RGS6: variants seen among roughly 807,000 people sequenced by gnomAD.
RGS6 encodes the protein regulator of G protein signaling 6, also known as regulator of G-protein signaling 6.
Under a neutral mutation model 78.5 loss-of-function variants are expected in RGS6, and 30 were observed. That is an observed-to-expected ratio of 0.38 (90% CI 0.29 to 0.52). RGS6 has a LOEUF of 0.52. RGS6 is among the 20% of genes least tolerant of loss of function. The pLI is 0.85. For missense variants in RGS6, 495 were observed against 609.7 expected, an observed-to-expected ratio of 0.81 and a Z score of 1.98; for synonymous variants, 206 against 206.0, an observed-to-expected ratio of 1.00 and a Z score of 0.00.
chr14:72,173,194 G>A (rs6574048), intron 2 of RGS6, among the ~76,000 whole-genome samples: 6,983 of 152,058 alleles, frequency 0.046, 181 homozygotes, highest in Middle Eastern at 0.1. Context: ...ATGCTTCGGG[G>A]AAGGGTGCTG....
At chr14:72,013,809 C>CT (rs5809553) in intron 2 of RGS6, among the ~76,000 whole-genome samples, 115,052 of 152,184 alleles carry the variant, frequency 0.76, 44,452 homozygotes, top group South Asian at 0.88. Flanking sequence ...GGGCTGGGGC[C>CT]TTCAGGCTTT....
At chr14:71,952,011 G>T (rs757353624) in intron 1 of RGS6, among the ~76,000 whole-genome samples, 8 of 152,130 alleles carry the variant, frequency 5.3e-5, no homozygotes, top group Non-Finnish European at 1.0e-4. Flanking sequence ...TGGTGCAAAA[G>T]TAATTGCATT....
intron 2 of RGS6, among the ~76,000 whole-genome samples, chr14:71,979,044 T>A (rs1019408353): frequency 2.0e-5 from 3 of 151,736 alleles, no homozygotes; most frequent in Non-Finnish European, 4.4e-5. Flanking sequence ...TTCTAGTTTA[T>A]TTGCGTAGAG....
chr14:72,483,873 A>C (rs1010538068), intron 12 of RGS6, among the ~76,000 whole-genome samples: 1 of 151,962 alleles, frequency 6.6e-6, no homozygotes, highest in African/African-American at 2.4e-5. Context: ...TCCTTCACTC[A>C]TCCCAAGTTT....
chr14:72,174,683 C>A (rs1032455348), intron 2 of RGS6, among the ~76,000 whole-genome samples: 1 of 152,068 alleles, frequency 6.6e-6, no homozygotes, highest in Non-Finnish European at 1.5e-5. Flanking sequence ...TCACCTCCTG[C>A]AAGCTAGGAG....
At chr14:71,971,440 C>T (rs2093797970) in intron 2 of RGS6, among the ~76,000 whole-genome samples, 1 of 152,132 alleles carries the variant, frequency 6.6e-6, no homozygotes, top group Non-Finnish European at 1.5e-5. Context: ...TGGGTCCGGA[C>T]ATCCTTTTTG....
chr14:72,589,269 G>C, the RGS6 span, among the ~76,000 whole-genome samples: 3 of 152,246 alleles, frequency 2.0e-5, no homozygotes, highest in African/African-American at 4.8e-5. Context: ...GCAAACTTCA[G>C]CTGGGCACCA....
At chr14:72,078,684 C>G (rs1024934315) in intron 2 of RGS6, among the ~76,000 whole-genome samples, 1 of 152,188 alleles carries the variant, frequency 6.6e-6, no homozygotes, top group Non-Finnish European at 1.5e-5. Context: ...TCCCAAAGTG[C>G]TGGGATTACA....
At chr14:72,109,825 C>A (rs1263869914) in intron 2 of RGS6, among the ~76,000 whole-genome samples, 29 of 152,146 alleles carry the variant, frequency 1.9e-4, no homozygotes, top group Admixed American at 1.9e-3. Flanking sequence ...CAAAATTACA[C>A]ACAGAAGACC....
At chr14:72,427,870 A>G (rs955002414) in intron 3 of RGS6, among the ~76,000 whole-genome samples, 3 of 152,216 alleles carry the variant, frequency 2.0e-5, no homozygotes, top group Non-Finnish European at 4.4e-5. Flanking sequence ...AGTGGAATAT[A>G]CAAGCCAAAA....
chr14:72,324,653 G>T (rs1042739612), intron 2 of RGS6, among the ~76,000 whole-genome samples: 9 of 152,072 alleles, frequency 5.9e-5, no homozygotes, highest in Non-Finnish European at 1.3e-4. Context: ...ATGGTTTCCA[G>T]CTTCATCCAT....
At position 72,385,434 on chromosome 14, in the gene RGS6, C is replaced by T. The variant is rs552830251; in HGVS notation, c.184+33240C>T. ...GGAGGGATTGTTGGTAGCCAAGTCT[C>T]CTTGGTGTTTCTTGTGAAAGAATTC... On this transcript the variant is annotated intron_variant, in intron 3 of 17. Transcript: ENST00000553525. Among the ~76,000 whole-genome samples the T allele has an allele frequency of 1.2e-4, 18 of 152,268 alleles. No homozygotes were observed. In the East Asian group the frequency reaches 2.5e-3, roughly 21 times the overall value.
At chr14:72,112,105 C>G (rs2095780927) in intron 2 of RGS6, among the ~76,000 whole-genome samples, 1 of 152,044 alleles carries the variant, frequency 6.6e-6, no homozygotes, top group African/African-American at 2.4e-5. Flanking sequence ...TCTGATGGTC[C>G]CTGTCACATT....
chr14:72,367,501 C>T (rs542599820), intron 3 of RGS6, among the ~76,000 whole-genome samples: 104 of 152,252 alleles, frequency 6.8e-4, no homozygotes, highest in African/African-American at 2.4e-3. Flanking sequence ...GCATTAGTCC[C>T]AATTCTACCT....
chr14:72,234,949 C>T lies in RGS6; in HGVS notation c.85-117146C>T, dbSNP rs116880187. Among the ~76,000 whole-genome samples the T allele has an allele frequency of 7.9e-5, 12 of 152,284 alleles. No individual in the cohort carries two copies. The East Asian group carries it at 2.3e-3, about 29-fold the overall frequency. ...GAAAAGAGGAGAGGCACCATATTGTCAGCCTGATTTCCCACCTCAGAGACG... is the reference window on the plus strand; with the variant it reads ...GAAAAGAGGAGAGGCACCATATTGTTAGCCTGATTTCCCACCTCAGAGACG... On this transcript the variant is annotated intron_variant, in intron 2 of 17. Coordinates refer to ENST00000553525, the MANE Select transcript of RGS6 (RefSeq NM_001204424.2).
chr14:72,182,887 G>T lies in RGS6; in HGVS notation c.85-169208G>T, dbSNP rs143539048. Among the ~76,000 whole-genome samples, 298 of 152,266 alleles carry T rather than the reference G, an allele frequency of 2.0e-3. 2 individuals carry two copies. Among genetic ancestry groups the T allele is most frequent in the African/African-American group, 6.6e-3 (276 of 41,556 alleles). On this transcript the variant is annotated intron_variant, in intron 2 of 17. Transcript: ENST00000553525. ...TGGAAAAACATTTAGTGTTGTTGTCGTTGATGATTTTTTTTCATACTCTCT... is the reference window on the plus strand; with the variant it reads ...TGGAAAAACATTTAGTGTTGTTGTCTTTGATGATTTTTTTTCATACTCTCT...
intron 3 of RGS6, among the ~76,000 whole-genome samples, chr14:72,424,149 C>T (rs1340796999): frequency 6.6e-6 from 1 of 152,180 alleles, no homozygotes; most frequent in East Asian, 1.9e-4. Context: ...GGGCCTGGAG[C>T]TCTGCCTAGA....
chr14:72,104,063 C>T (rs889878096), intron 2 of RGS6, among the ~76,000 whole-genome samples: 4 of 152,200 alleles, frequency 2.6e-5, no homozygotes, highest in Admixed American at 2.6e-4. Context: ...ATTGAACGTC[C>T]TTTAATCTTT....
chr14:72,176,705 A>G (rs1271746325), intron 2 of RGS6, among the ~76,000 whole-genome samples: 2 of 152,250 alleles, frequency 1.3e-5, no homozygotes, highest in African/African-American at 4.8e-5. Context: ...CTACCTGAAT[A>G]GAAAGATTAT....
Sources: allele counts gnomAD v4.1 joint callset (sites outside exome capture counted in the v4.1 genomes callset), GRCh38; gene constraint gnomAD v4.1.1; transcripts MANE v1.5; gene names NCBI Gene and HGNC (gene_info 2026-07-23, HGNC 2026-07-21).